SAMD4A: variants seen among roughly 807,000 people sequenced by gnomAD.
SAMD4A encodes the protein sterile alpha motif domain containing 4A, also known as protein Smaug homolog 1.
Under a neutral mutation model 81.3 loss-of-function variants are expected in SAMD4A, and 33 were observed. The observed-to-expected ratio is 0.41, with a 90% CI of 0.31 to 0.54. The LOEUF (loss-of-function observed/expected upper bound fraction) is 0.54, where lower values mean the gene tolerates loss of function less well. SAMD4A is among the 20% of genes least tolerant of loss of function. SAMD4A has a pLI of 0.37. For synonymous variants in SAMD4A, 389 were observed against 382.1 expected, an observed-to-expected ratio of 1.02 and a Z score of -0.21; for missense variants, 854 against 951.1, an observed-to-expected ratio of 0.90 and a Z score of 1.34.
Position 54,790,672 on chromosome 14 carries a change from TTG to T in SAMD4A, c.*1763_*1764del, listed in dbSNP as rs370482381. 0.032 allele frequency: 4,536 copies of T among 141,240 alleles called. 126 individuals are homozygous for T. The highest frequency in any genetic ancestry group is 0.085 in the Admixed American group (1,200 of 14,162). The allele number at this position is 141,240 out of a possible 1,614,324, so 8.7% of individuals were successfully genotyped here. A position where few individuals can be genotyped will look rare whatever the true frequency, so the allele number is the denominator to read the frequency against. On this transcript the variant is annotated 3_prime_UTR_variant, in exon 13 of 13. Transcript: ENST00000554335. The stretch of plus-strand genomic sequence containing the variant: ...TTACATGGATGAGTCGGGTGCCTGG[TTG>T]TGTGTGTGTGTGTGTGTGTGTGTGT...
In SAMD4A at chr14:54,721,353, T is replaced by C. The variant is rs2037258069; in HGVS notation, c.716-15671T>C. On this transcript the variant is annotated intron_variant, in intron 3 of 12. Transcript: ENST00000554335. ...CCTACGCCCCAATAAATAGTAACTA[T>C]CTTATCCACAATTATTTCAATTTTG... Among the ~76,000 whole-genome samples the C allele has an allele frequency of 4.6e-5, 7 of 152,194 alleles. No individual in the cohort carries two copies. The South Asian group carries it at 1.4e-3, about 31-fold the overall frequency.
intron 2 of SAMD4A, among the ~76,000 whole-genome samples, chr14:54,569,655 C>G (rs1341800817): frequency 6.6e-6 from 1 of 152,214 alleles, no homozygotes; most frequent in African/African-American, 2.4e-5. Flanking sequence ...TCCTTAATTT[C>G]AGCGGGAAGC....
At chr14:54,647,002 C>T (rs997755351) in intron 2 of SAMD4A, among the ~76,000 whole-genome samples, 4 of 152,050 alleles carry the variant, frequency 2.6e-5, no homozygotes, top group Admixed American at 6.5e-5. Flanking sequence ...TGGAAATGTT[C>T]GAATTTATGT....
At chr14:54,766,467 G>A (rs2038546764) in intron 8 of SAMD4A, among the ~76,000 whole-genome samples, 1 of 152,162 alleles carries the variant, frequency 6.6e-6, no homozygotes, top group South Asian at 2.1e-4. Context: ...GAGCACAGAG[G>A]AGCAGCAGCA....
chr14:54,726,541 A>G (rs1412693716), intron 3 of SAMD4A, among the ~76,000 whole-genome samples: 1 of 152,220 alleles, frequency 6.6e-6, no homozygotes, highest in Non-Finnish European at 1.5e-5. Flanking sequence ...GAGGCATCTT[A>G]TTAAGACCAG....
At chr14:54,656,233 T>C (rs965771614) in intron 2 of SAMD4A, among the ~76,000 whole-genome samples, 1 of 152,186 alleles carries the variant, frequency 6.6e-6, no homozygotes, top group Non-Finnish European at 1.5e-5. Flanking sequence ...ATTGTTTCAG[T>C]GGATTTTCCA....
chr14:54,598,711 A>T (rs2033976800), intron 2 of SAMD4A, among the ~76,000 whole-genome samples: 1 of 152,218 alleles, frequency 6.6e-6, no homozygotes, highest in South Asian at 2.1e-4. Context: ...AAAGTCAGAA[A>T]ATAAAGACAA....
chr14:54,651,462 C>T (rs1438595335), intron 2 of SAMD4A, among the ~76,000 whole-genome samples: 1 of 149,644 alleles, frequency 6.7e-6, no homozygotes, highest in Non-Finnish European at 1.5e-5. Context: ...GTTTTGTTGT[C>T]ATTTAACAGA....
intron 2 of SAMD4A, among the ~76,000 whole-genome samples, chr14:54,651,199 G>T (rs760008379): frequency 1.3e-5 from 2 of 152,144 alleles, no homozygotes; most frequent in Non-Finnish European, 2.9e-5. Context: ...ACCTATTGTA[G>T]TGACTTCTTT....
chr14:54,642,474 T>G (rs1454590595), intron 2 of SAMD4A, among the ~76,000 whole-genome samples: 1 of 152,224 alleles, frequency 6.6e-6, no homozygotes, highest in Admixed American at 6.5e-5. Flanking sequence ...AGAATTCTTT[T>G]GAATTCATCC....
chr14:54,688,902 C>CA (rs59653530), intron 2 of SAMD4A, among the ~76,000 whole-genome samples: 56,841 of 146,876 alleles, frequency 0.39, 11,771 homozygotes, highest in Non-Finnish European at 0.45. Flanking sequence ...TTCAGTAGAT[C>CA]TATAGAGAGG....
intron 2 of SAMD4A, among the ~76,000 whole-genome samples, chr14:54,573,089 T>C (rs944064246): frequency 2.6e-5 from 4 of 152,220 alleles, no homozygotes; most frequent in Non-Finnish European, 5.9e-5. Flanking sequence ...GAATGAAATA[T>C]TTAGGGGCTT....
chr14:54,597,457 T>A (rs1203484437), intron 2 of SAMD4A, among the ~76,000 whole-genome samples: 1 of 151,678 alleles, frequency 6.6e-6, no homozygotes, highest in Non-Finnish European at 1.5e-5. Context: ...TATTTTTTGG[T>A]AGAGACAGGG....
intron 2 of SAMD4A, among the ~76,000 whole-genome samples, chr14:54,568,690 CATATATATATATATATAT>C (rs59190435): frequency 0.018 from 565 of 31,892 alleles, 16 homozygotes; most frequent in African/African-American, 0.037. Context: ...ACATTTGCAG[CATATATATATATATATAT>C]ATATATATAT....
chr14:54,666,173 T>G (rs1388508291), intron 2 of SAMD4A, among the ~76,000 whole-genome samples: 1 of 152,140 alleles, frequency 6.6e-6, no homozygotes, highest in East Asian at 1.9e-4. Context: ...CCCAGAAGTG[T>G]TCTGGGCCAC....
chr14:54,702,084 G>A lies in SAMD4A; in HGVS notation c.219G>A (p.Gln73=). The stretch of plus-strand genomic sequence containing the variant: ...CAGGAATCATTAACCAATGGCAACA[G>A]GAATCCAAGGATAAAGTGATTTCCC... ...NSPGIINQWQ[Q]ESKDKVISLL... is the part of the protein sequence containing the mutation. Residue 73 remains glutamine (Q), a synonymous_variant, in exon 3 of 13, where the codon CAG becomes CAA. Transcript: ENST00000554335. 6.2e-7 allele frequency: 1 copy of A among 1,614,072 alleles called. No homozygotes were observed. Among genetic ancestry groups the A allele is most frequent in the Non-Finnish European group, 8.5e-7 (1 of 1,179,948 alleles).
In SAMD4A at chr14:54,568,057, C is replaced by T. The variant is rs867975616; in HGVS notation, c.141C>T (p.His47=). The T allele has an allele frequency of 3.1e-6, 5 of 1,594,156 alleles. No individual in the cohort carries two copies. Among genetic ancestry groups the T allele is most frequent in the African/African-American group, 1.4e-5 (1 of 74,012 alleles). The part of the protein sequence containing the change: ...QARFLQLCLE[H]SLADCAELHV... ...GCTTCCTCCAGCTCTGCCTGGAGCACTCGCTGGCCGACTGCGCCGAGCTGC... is the reference window on the plus strand; with the variant it reads ...GCTTCCTCCAGCTCTGCCTGGAGCATTCGCTGGCCGACTGCGCCGAGCTGC... Residue 47 remains histidine, a synonymous_variant, in exon 2 of 13, where the codon CAC becomes CAT. Transcript: ENST00000554335.
intron 3 of SAMD4A, among the ~76,000 whole-genome samples, chr14:54,721,133 C>T (rs148876162): frequency 5.4e-4 from 82 of 152,272 alleles, no homozygotes; most frequent in African/African-American, 1.9e-3. Context: ...TAATTGTCTA[C>T]TTGTTTATTA....
chr14:54,782,523 G>A (rs2139974696), intron 11 of SAMD4A, among the ~76,000 whole-genome samples: 1 of 152,260 alleles, frequency 6.6e-6, no homozygotes, highest in East Asian at 1.9e-4. Flanking sequence ...CTAGTGGGTG[G>A]GGGCGGTGGA....
Sources: gnomAD v4.1 joint callset for allele counts (sites outside exome capture counted in the v4.1 genomes callset) on GRCh38, gnomAD v4.1.1 for gene constraint, MANE v1.5 for transcripts, NCBI Gene and HGNC (gene_info 2026-07-23, HGNC 2026-07-21) for gene names.